UTY: variants seen among roughly 807,000 people sequenced by gnomAD.
UTY encodes ubiquitously transcribed tetratricopeptide repeat containing, Y-linked, also known as histone demethylase UTY.
In UTY, 12 loss-of-function variants were observed where a neutral mutation model predicts 32.5. The observed-to-expected ratio is 0.37, with a 90% confidence interval of 0.24 to 0.60. The LOEUF is 0.60. Ranked by LOEUF, UTY falls within the 20% of genes least tolerant of loss-of-function variation. The pLI is 0.69. For synonymous variants in UTY, 131 were observed against 103.4 expected (o/e 1.27, Z -1.62); for missense variants, 303 against 299.2 (o/e 1.01, Z -0.09).
chrY:13,449,765 G>T, intron 3 of UTY, among the ~76,000 whole-genome samples: 20 of 32,539 alleles, frequency 6.1e-4, no homozygotes, highest in Admixed American at 5.6e-3. Flanking sequence ...AGGCTTTCAG[G>T]ATAAATTATA....
At position 13,358,606 on chromosome Y, in the gene UTY, T is replaced by C; in HGVS notation, c.1334A>G (p.His445Arg). ...MNTAQQAYRA[H>R]DPNTEHVLNH... ...TAATACATGTTCAGTATTTGGATCA[T>C]GAGCTCTATAAGCCTAAGGATCACA... Residue 445 changes from histidine to arginine, a missense_variant, in exon 14 of 30, where the codon CAT becomes CGT. Physicochemically the swap from His to Arg is conservative, Grantham distance 29. Coordinates refer to ENST00000545955, the MANE Select transcript of UTY (RefSeq NM_001258249.2). 1 of 373,428 alleles carries C rather than the reference T, an allele frequency of 2.7e-6. No individual in the cohort carries two copies. The highest frequency in any genetic ancestry group is 3.3e-5 in the South Asian group (1 of 30,758). The allele number at this position is 373,428 out of a possible 400,897, so 93.1% of individuals were successfully genotyped here. A position where few individuals can be genotyped will look rare whatever the true frequency, so the allele number is the denominator to read the frequency against.
chrY:13,468,076 C>T, intron 3 of UTY, among the ~76,000 whole-genome samples: 1 of 32,037 alleles, frequency 3.1e-5, no homozygotes, highest in South Asian at 6.9e-4. Flanking sequence ...AGTTGGAGAC[C>T]GGCCTGGCCA....
At chrY:13,304,835 GT>G (rs758091879) in intron 24 of UTY, among the ~76,000 whole-genome samples, 8 of 30,430 alleles carry the variant, frequency 2.6e-4, no homozygotes, top group East Asian at 1.7e-3. Context: ...ATAAAAAATA[GT>G]TTTTTTTTAA....
Position 13,249,641 on chromosome Y carries a change from A to G in UTY, c.*215T>C. 2.9e-5 allele frequency: 2 copies of G among 68,093 alleles called. No homozygotes were observed. The highest frequency in any genetic ancestry group is 5.9e-5 in the Non-Finnish European group (2 of 33,719). 17.0% of individuals were successfully genotyped at this position (68,093 alleles called of 400,897 possible). A position where few individuals can be genotyped will look rare whatever the true frequency, so the allele number is the denominator to read the frequency against. On this transcript the variant is annotated 3_prime_UTR_variant, in exon 30 of 30. Transcript: ENST00000545955. ...ACAGTTTGTCATACGTACACAAAAC[A>G]TATGATTAATATTATTTTTCTGAAG...
intron 26 of UTY, among the ~76,000 whole-genome samples, chrY:13,298,472 G>C: frequency 3.0e-5 from 1 of 33,130 alleles, no homozygotes; most frequent in Non-Finnish European, 7.4e-5. Context: ...CTGTGTTCTT[G>C]GGCTGGGCAC....
intron 28 of UTY, among the ~76,000 whole-genome samples, chrY:13,241,337 A>C (rs2053899124): frequency 3.0e-5 from 1 of 33,338 alleles, no homozygotes; most frequent in South Asian, 6.6e-4. Flanking sequence ...AATGGAAACA[A>C]CACACCAAAA....
In UTY at chrY:13,438,456, AG is replaced by A. The variant is rs752449037; in HGVS notation, c.375+10560del. Among the ~76,000 whole-genome samples the A allele has an allele frequency of 3.3e-4, 11 of 33,772 alleles. No homozygotes were observed. In the South Asian group the frequency reaches 7.3e-3, roughly 22 times the overall value. The allele number at this position is 33,772 out of a possible 37,273, so 90.6% of individuals were successfully genotyped here. A position where few individuals can be genotyped will look rare whatever the true frequency, so the allele number is the denominator to read the frequency against. ...CCCAGGAGGCTGGCAAATTAACACTAGGACAGAAGTTAACTTTCAGGTGCCA... is the reference window on the plus strand; with the variant it reads ...CCCAGGAGGCTGGCAAATTAACACTAGACAGAAGTTAACTTTCAGGTGCCA... On this transcript the variant is annotated intron_variant, in intron 4 of 29. Coordinates refer to ENST00000545955, the MANE Select transcript of UTY (RefSeq NM_001258249.2).
intron 17 of UTY, among the ~76,000 whole-genome samples, chrY:13,343,840 T>C: frequency 3.0e-5 from 1 of 33,103 alleles, no homozygotes; most frequent in African/African-American, 1.2e-4. Context: ...TGACCCAAGG[T>C]GTGCTTTTGC....
intron 21 of UTY, among the ~76,000 whole-genome samples, chrY:13,315,327 G>A (rs2059424383): frequency 8.7e-5 from 3 of 34,457 alleles, no homozygotes; most frequent in African/African-American, 3.4e-4. Context: ...AAAAAGAGAT[G>A]ACAGGGCGCA....
chrY:13,430,241 G>T (rs986428338), intron 4 of UTY, among the ~76,000 whole-genome samples: 3 of 33,280 alleles, frequency 9.0e-5, no homozygotes, highest in African/African-American at 3.5e-4. Context: ...GAGTTACAAA[G>T]AATTCCCTCC....
chrY:13,441,431 TAC>T (rs2075174113), intron 4 of UTY, among the ~76,000 whole-genome samples: 2 of 32,825 alleles, frequency 6.1e-5, no homozygotes, highest in Admixed American at 2.8e-4. Context: ...CCAGGACAAC[TAC>T]ACTTTAATTT....
At chrY:13,354,759 T>G in intron 17 of UTY, 1 of 235,220 alleles carries the variant, frequency 4.3e-6, no homozygotes, top group Non-Finnish European at 6.6e-6. Flanking sequence ...ACTAAATTAG[T>G]GTGATTGGCT....
chrY:13,449,899 A>C, intron 3 of UTY, among the ~76,000 whole-genome samples: 1 of 34,159 alleles, frequency 2.9e-5, no homozygotes, highest in Non-Finnish European at 7.3e-5. Flanking sequence ...TCTGTCTTGA[A>C]CAATCATTTT....
At chrY:13,440,769 C>T in intron 4 of UTY, among the ~76,000 whole-genome samples, 1 of 33,268 alleles carries the variant, frequency 3.0e-5, no homozygotes, top group African/African-American at 1.2e-4. Context: ...AACCTGGATA[C>T]CCTCCACCAA....
chrY:13,381,880 G>A, intron 8 of UTY, among the ~76,000 whole-genome samples: 10 of 32,856 alleles, frequency 3.0e-4, no homozygotes, highest in Non-Finnish European at 4.5e-4. Flanking sequence ...CAGTTGCCTA[G>A]AAGTGCAGAA....
chrY:13,295,343 G>A (rs2057964938), intron 27 of UTY, among the ~76,000 whole-genome samples: 1 of 32,590 alleles, frequency 3.1e-5, no homozygotes, highest in Admixed American at 2.8e-4. Context: ...ACTCACACCC[G>A]CAGCTACAGA....
intron 21 of UTY, among the ~76,000 whole-genome samples, chrY:13,319,710 A>G: frequency 3.0e-5 from 1 of 33,819 alleles, no homozygotes; most frequent in Non-Finnish European, 7.4e-5. Flanking sequence ...AGCATTAACC[A>G]TCTCCTTAAG....
intron 27 of UTY, among the ~76,000 whole-genome samples, chrY:13,279,458 C>T: frequency 9.1e-5 from 3 of 33,071 alleles, no homozygotes; most frequent in African/African-American, 3.6e-4. Flanking sequence ...CTATGTTGGC[C>T]AGGTTGATCT....
At chrY:13,308,377 G>T (rs939862650) in intron 21 of UTY, among the ~76,000 whole-genome samples, 1 of 33,029 alleles carries the variant, frequency 3.0e-5, no homozygotes. Flanking sequence ...CCAGCATTTT[G>T]GGAGGCCAAG....
Sources: allele counts gnomAD v4.1 joint callset (sites outside exome capture counted in the v4.1 genomes callset), GRCh38; gene constraint gnomAD v4.1.1; transcripts MANE v1.5; gene names NCBI Gene and HGNC (gene_info 2026-07-23, HGNC 2026-07-21).